Variants in CDH4 observed in about 807,000 individuals in gnomAD.
The protein encoded by CDH4 is cadherin-4.
In CDH4, 33 loss-of-function variants were observed where a neutral mutation model predicts 86.0. That is an observed-to-expected ratio of 0.38 (90% CI 0.29 to 0.51). The LOEUF is 0.51. Among genes scored for constraint, CDH4 ranks in the 20% least tolerant of loss-of-function variants. The pLI, the probability that CDH4 is intolerant of heterozygous loss-of-function variation, is 0.86. For missense variants in CDH4, 1,114 were observed against 1,307.4 expected, an observed-to-expected ratio of 0.85 and a Z score of 2.28; for synonymous variants, 555 against 549.4, an observed-to-expected ratio of 1.01 and a Z score of -0.14.
chr20:61,546,319 GGTGT>G (rs1168021241), intron 2 of CDH4, among the ~76,000 whole-genome samples: 6 of 148,700 alleles, frequency 4.0e-5, no homozygotes, highest in African/African-American at 1.0e-4. Context: ...TGTGTGCAGA[GGTGT>G]GTGTGTGAGG....
chr20:61,257,041 G>A (rs1387977820), intron 2 of CDH4, among the ~76,000 whole-genome samples: 1 of 152,228 alleles, frequency 6.6e-6, no homozygotes, highest in Non-Finnish European at 1.5e-5. Context: ...TGTGTGAAGA[G>A]GAAACAGGAA....
chr20:61,831,471 C>T (rs557013947), intron 4 of CDH4, among the ~76,000 whole-genome samples: 152 of 152,380 alleles, frequency 1.0e-3, no homozygotes, highest in African/African-American at 3.1e-3. Flanking sequence ...CCCTCCAGGA[C>T]GGGTGAGTCC....
intron 2 of CDH4, among the ~76,000 whole-genome samples, chr20:61,285,261 C>T (rs1401630614): frequency 3.3e-5 from 5 of 152,202 alleles, no homozygotes; most frequent in African/African-American, 7.2e-5. Context: ...GTCAAGGTTA[C>T]GAAGCCACGA....
At chr20:61,619,841 CA>C (rs1353979157) in intron 2 of CDH4, among the ~76,000 whole-genome samples, 1 of 152,198 alleles carries the variant, frequency 6.6e-6, no homozygotes, top group Non-Finnish European at 1.5e-5. Flanking sequence ...GAGTTTGCAG[CA>C]AGAGGGGAAG....
At chr20:61,584,165 T>C (rs181511711) in intron 2 of CDH4, among the ~76,000 whole-genome samples, 3 of 152,216 alleles carry the variant, frequency 2.0e-5, no homozygotes, top group Admixed American at 1.3e-4. Flanking sequence ...GTCTTAAAAA[T>C]ATATGTGCGT....
chr20:61,334,175 C>CT (rs2123269757), intron 2 of CDH4, among the ~76,000 whole-genome samples: 1 of 152,300 alleles, frequency 6.6e-6, no homozygotes, highest in African/African-American at 2.4e-5. Flanking sequence ...TGTAACCCCC[C>CT]AAGTCTGCTT....
intron 2 of CDH4, among the ~76,000 whole-genome samples, chr20:61,664,805 T>G (rs1454768221): frequency 6.6e-6 from 1 of 152,222 alleles, no homozygotes; most frequent in Non-Finnish European, 1.5e-5. Flanking sequence ...ATCAGCAGAC[T>G]CCCAAGAAAT....
chr20:61,932,379 G>A (rs187718502), intron 13 of CDH4, among the ~76,000 whole-genome samples: 23 of 152,330 alleles, frequency 1.5e-4, no homozygotes, highest in African/African-American at 4.8e-4. Flanking sequence ...GAGCCAGTGC[G>A]GCTGTGCCTT....
At chr20:61,499,719 GCTC>G (rs2085687050) in intron 2 of CDH4, among the ~76,000 whole-genome samples, 1 of 152,278 alleles carries the variant, frequency 6.6e-6, no homozygotes, top group Admixed American at 6.5e-5. Context: ...TCAACCTTGA[GCTC>G]CTCACCTCTG....
intron 2 of CDH4, among the ~76,000 whole-genome samples, chr20:61,526,226 A>G (rs1245373170): frequency 1.3e-5 from 2 of 151,410 alleles, no homozygotes; most frequent in African/African-American, 2.4e-5. Flanking sequence ...AGGCAGAAGC[A>G]GGAGGATTCT....
At chr20:61,351,984 TG>T (rs2084715599) in intron 2 of CDH4, among the ~76,000 whole-genome samples, 1 of 152,330 alleles carries the variant, frequency 6.6e-6, no homozygotes, top group Admixed American at 6.5e-5. Context: ...CCCAAAGTGC[TG>T]GGATTACGGG....
intron 2 of CDH4, among the ~76,000 whole-genome samples, chr20:61,255,289 G>A (rs897376219): frequency 3.3e-5 from 5 of 152,246 alleles, no homozygotes; most frequent in African/African-American, 1.2e-4. Context: ...TGATAAAGCA[G>A]ACGATGTTGT....
intron 2 of CDH4, among the ~76,000 whole-genome samples, chr20:61,398,722 G>GCTGGGTACCTAGGT (rs1281221968): frequency 2.6e-5 from 4 of 152,176 alleles, no homozygotes; most frequent in African/African-American, 9.7e-5. Context: ...CCACATTCAG[G>GCTGGGTACCTAGGT]CTGGGTACCT....
chr20:61,587,467 G>GCCTGGGTCTTCCTGCAGAGCTCTTAGT (rs2086487017), intron 2 of CDH4, among the ~76,000 whole-genome samples: 1 of 152,148 alleles, frequency 6.6e-6, no homozygotes, highest in East Asian at 1.9e-4. Context: ...TGAATCTGAG[G>GCCTGGGTCTTCCTGCAGAGCTCTTAGT]CCTGGGTCTT....
At chr20:61,512,051 G>A (rs1015232851) in intron 2 of CDH4, among the ~76,000 whole-genome samples, 13 of 152,058 alleles carry the variant, frequency 8.5e-5, no homozygotes, top group East Asian at 3.9e-4. Context: ...TTGTTTCCTC[G>A]CCTGCAAGGA....
At chr20:61,864,230 G>A (rs557636920) in intron 6 of CDH4, among the ~76,000 whole-genome samples, 20 of 152,300 alleles carry the variant, frequency 1.3e-4, no homozygotes, top group East Asian at 5.8e-4. Context: ...GGCTGCTGGC[G>A]TTGAGCCCTG....
intron 2 of CDH4, among the ~76,000 whole-genome samples, chr20:61,731,008 G>A (rs2088174437): frequency 6.6e-6 from 1 of 151,504 alleles, no homozygotes; most frequent in Non-Finnish European, 1.5e-5. Context: ...CAGCTGAGGG[G>A]GTCTCAGGCA....
At chr20:61,927,758 G>A (rs532407600) in intron 11 of CDH4, among the ~76,000 whole-genome samples, 165 of 152,372 alleles carry the variant, frequency 1.1e-3, no homozygotes, top group African/African-American at 3.8e-3. Context: ...TCCCCGGTGC[G>A]TGGCTGTGAC....
intron 9 of CDH4, among the ~76,000 whole-genome samples, chr20:61,916,508 C>T (rs1459338357): frequency 6.6e-6 from 1 of 152,218 alleles, no homozygotes; most frequent in Non-Finnish European, 1.5e-5. Context: ...TAGCTGCTGT[C>T]GTCATCATAA....
Sources: allele counts gnomAD v4.1 joint callset (sites outside exome capture counted in the v4.1 genomes callset), GRCh38; gene constraint gnomAD v4.1.1; transcripts MANE v1.5; gene names NCBI Gene and HGNC (gene_info 2026-07-23, HGNC 2026-07-21).